The following ACSBG2 variants were observed in gnomAD, a reference collection of about 807,000 sequenced individuals.
ACSBG2 encodes the protein acyl-CoA synthetase bubblegum family member 2.
Under a neutral mutation model 74.7 loss-of-function variants are expected in ACSBG2, and 62 were observed. That is an observed-to-expected ratio of 0.83 (90% CI 0.68 to 1.03). The LOEUF is 1.03. Ranked by LOEUF, ACSBG2 falls within the 50% of genes least tolerant of loss-of-function variation. The pLI is 0.00. For missense variants in ACSBG2, 730 were observed against 817.6 expected (o/e 0.89, Z 1.31); for synonymous variants, 309 against 294.1 (o/e 1.05, Z -0.52).
intron 11 of ACSBG2, among the ~76,000 whole-genome samples, chr19:6,186,183 T>C (rs1299769131): frequency 2.0e-5 from 3 of 152,024 alleles, no homozygotes; most frequent in African/African-American, 7.2e-5. Flanking sequence ...GAAGAAAGTA[T>C]AGAACAAGGA....
At chr19:6,138,184 C>T (rs2088653558) in intron 1 of ACSBG2, among the ~76,000 whole-genome samples, 1 of 152,144 alleles carries the variant, frequency 6.6e-6, no homozygotes, top group African/African-American at 2.4e-5. Flanking sequence ...AACTTCACCC[C>T]AAAGCAATTA....
intron 8 of ACSBG2, among the ~76,000 whole-genome samples, chr19:6,182,535 T>G (rs1020803338): frequency 2.0e-5 from 3 of 152,162 alleles, no homozygotes; most frequent in African/African-American, 7.2e-5. Context: ...CCAAAAATAT[T>G]TTACCAGTTT....
chr19:6,166,529 G>A (rs1237277590), intron 7 of ACSBG2, among the ~76,000 whole-genome samples: 1 of 152,146 alleles, frequency 6.6e-6, no homozygotes, highest in African/African-American at 2.4e-5. Flanking sequence ...GGCCAGGCTG[G>A]TCTTGAACTC....
intron 2 of ACSBG2, among the ~76,000 whole-genome samples, chr19:6,142,498 A>C (rs913315653): frequency 3.3e-5 from 5 of 152,026 alleles, no homozygotes; most frequent in African/African-American, 1.2e-4. Flanking sequence ...CACACCCGTA[A>C]TCCCAGCACT....
chr19:6,143,698 C>G (rs1348636613), intron 2 of ACSBG2, among the ~76,000 whole-genome samples: 1 of 152,142 alleles, frequency 6.6e-6, no homozygotes, highest in Admixed American at 6.6e-5. Context: ...TGATAAGGTG[C>G]TCTTTGAGTT....
intron 1 of ACSBG2, among the ~76,000 whole-genome samples, chr19:6,136,655 A>G (rs187072240): frequency 1.1e-4 from 17 of 152,364 alleles, no homozygotes; most frequent in African/African-American, 3.6e-4. Context: ...GAGTCACCAC[A>G]TCTGAACCCT....
chr19:6,157,016 G>C (rs1039260936), intron 5 of ACSBG2, among the ~76,000 whole-genome samples: 1 of 151,480 alleles, frequency 6.6e-6, no homozygotes, highest in Admixed American at 6.6e-5. Flanking sequence ...GGCTGAACTC[G>C]GCTCACTGCA....
At chr19:6,173,784 T>C (rs982463501) in intron 7 of ACSBG2, among the ~76,000 whole-genome samples, 2 of 152,148 alleles carry the variant, frequency 1.3e-5, no homozygotes, top group African/African-American at 4.8e-5. Flanking sequence ...CAGATTCTCA[T>C]TCATATCCTT....
chr19:6,151,763 GT>G lies in ACSBG2; in HGVS notation c.357del (p.Phe119LeufsTer9). 6.2e-7 allele frequency: 1 copy of G among 1,602,080 alleles called. No individual in the cohort carries two copies. The highest frequency in any genetic ancestry group is 1.1e-5 in the South Asian group (1 of 88,754). On this transcript the variant is annotated frameshift_variant, in exon 4 of 15. Transcript: ENST00000588485. LOFTEE classifies it high-confidence loss of function. ...TCCTGGGGTTTAACTCTGCAGAGTGGTTTATCACTGCTGTTGGTGCCATCCT... is the reference window on the plus strand; with the variant it reads ...TCCTGGGGTTTAACTCTGCAGAGTGGTTATCACTGCTGTTGGTGCCATCCT... ...GILGFNSAEW[F>X]ITAVGAILAG...
chr19:6,135,938 GTTTTC>G (rs1568210224), intron 1 of ACSBG2, 29 bp downstream of exon 1: 1 of 152,228 alleles, frequency 6.6e-6, no homozygotes, highest in African/African-American at 2.4e-5. Flanking sequence ...AAGGGCATGC[GTTTTC>G]TTTTCTTTTT....
intron 8 of ACSBG2, among the ~76,000 whole-genome samples, chr19:6,181,198 G>A (rs964151460): frequency 1.8e-4 from 26 of 143,666 alleles, no homozygotes; most frequent in South Asian, 6.7e-4. Context: ...GACTCCAACC[G>A]GGGCAACAGA....
At chr19:6,165,439 G>A (rs561864214) in intron 6 of ACSBG2, among the ~76,000 whole-genome samples, 2 of 152,330 alleles carry the variant, frequency 1.3e-5, no homozygotes, top group South Asian at 2.1e-4. Context: ...TGTGGGTGAA[G>A]TCAGCCCCAT....
intron 8 of ACSBG2, among the ~76,000 whole-genome samples, chr19:6,179,293 A>ATT (rs1169472742): frequency 0.028 from 3,275 of 118,514 alleles, 76 homozygotes; most frequent in South Asian, 0.04. Flanking sequence ...TCTTTTCTAA[A>ATT]TTTTTTTTTT....
chr19:6,163,141 A>AT (rs2089681457), intron 6 of ACSBG2, among the ~76,000 whole-genome samples: 1 of 145,614 alleles, frequency 6.9e-6, no homozygotes, highest in Non-Finnish European at 1.5e-5. Context: ...AATAATAATA[A>AT]TAATAATAAT....
chr19:6,142,794 A>G (rs889707492), intron 2 of ACSBG2, among the ~76,000 whole-genome samples: 2 of 150,916 alleles, frequency 1.3e-5, no homozygotes, highest in Admixed American at 1.3e-4. Flanking sequence ...GGTTTATGGC[A>G]AATAAAAGTA....
chr19:6,191,648 CT>C (rs2090565589), intron 14 of ACSBG2: 1 of 152,144 alleles, frequency 6.6e-6, no homozygotes, highest in East Asian at 1.9e-4. Context: ...AGGGCCCACC[CT>C]TATGACCTCG....
intron 11 of ACSBG2, among the ~76,000 whole-genome samples, chr19:6,186,130 C>T (rs2090400403): frequency 6.7e-6 from 1 of 148,536 alleles, no homozygotes; most frequent in South Asian, 2.1e-4. Flanking sequence ...GCCATCTTCT[C>T]CTGCATTTTA....
chr19:6,173,303 G>A (rs1335638013), intron 7 of ACSBG2, among the ~76,000 whole-genome samples: 1 of 152,178 alleles, frequency 6.6e-6, no homozygotes, highest in African/African-American at 2.4e-5. Context: ...AGAATCCCCA[G>A]GCAGGGCAGT....
At chr19:6,150,699 T>C (rs1052945328) in intron 3 of ACSBG2, among the ~76,000 whole-genome samples, 2 of 151,960 alleles carry the variant, frequency 1.3e-5, no homozygotes, top group African/African-American at 4.8e-5. Flanking sequence ...GGGAAGGGGA[T>C]AGAGAGTGAG....
Sources: gnomAD v4.1 joint callset for allele counts (sites outside exome capture counted in the v4.1 genomes callset) on GRCh38, gnomAD v4.1.1 for gene constraint, MANE v1.5 for transcripts, NCBI Gene and HGNC (gene_info 2026-07-23, HGNC 2026-07-21) for gene names.